The following GLP2R variants were observed in gnomAD, a reference collection of about 807,000 sequenced individuals.
GLP2R encodes glucagon like peptide 2 receptor.
A neutral mutation model predicts 68.2 loss-of-function variants in GLP2R; 59 were observed. The observed-to-expected ratio is 0.87, with a 90% CI of 0.70 to 1.07. The LOEUF is 1.07. Among genes scored for constraint, GLP2R ranks in the 50% least tolerant of loss-of-function variants. GLP2R has a pLI of 0.00. For synonymous variants in GLP2R, 270 were observed against 265.4 expected (o/e 1.02, Z -0.17); for missense variants, 548 against 677.4 (o/e 0.81, Z 2.12).
intron 1 of GLP2R, among the ~76,000 whole-genome samples, chr17:9,826,516 C>A (rs1042564869): frequency 1.3e-5 from 2 of 152,076 alleles, no homozygotes; most frequent in Non-Finnish European, 2.9e-5. Flanking sequence ...GTCCCCCCAA[C>A]CAGCCCCGCA....
At chr17:9,849,607 CTTTTTTT>C (rs57795068) in intron 4 of GLP2R, among the ~76,000 whole-genome samples, 2 of 87,118 alleles carry the variant, frequency 2.3e-5, no homozygotes, top group South Asian at 4.6e-4. Flanking sequence ...TTTTCTCTTT[CTTTTTTT>C]TTTTTTTTTT....
intron 9 of GLP2R, among the ~76,000 whole-genome samples, chr17:9,868,302 C>T (rs145980943): frequency 2.0e-5 from 3 of 152,024 alleles, no homozygotes; most frequent in East Asian, 1.9e-4. Flanking sequence ...AGGGGTTTGG[C>T]GGTAGATGGA....
At chr17:9,888,147 G>A (rs1265447596) in intron 12 of GLP2R, among the ~76,000 whole-genome samples, 174 bp downstream of exon 12, 1 of 152,174 alleles carries the variant, frequency 6.6e-6, no homozygotes, top group African/African-American at 2.4e-5. Context: ...AGGCAGCTTA[G>A]ACAAATGGAA....
At chr17:9,840,792 A>G (rs1419132803) in intron 3 of GLP2R, among the ~76,000 whole-genome samples, 2 of 152,162 alleles carry the variant, frequency 1.3e-5, no homozygotes, top group Non-Finnish European at 2.9e-5. Flanking sequence ...GAGGGTGTTC[A>G]GGAGGGAAGG....
chr17:9,874,488 T>G (rs554333075), intron 10 of GLP2R, among the ~76,000 whole-genome samples: 38 of 152,126 alleles, frequency 2.5e-4, no homozygotes, highest in Non-Finnish European at 2.9e-4. Context: ...GTGAGACCCT[T>G]TTTCTTTAAT....
chr17:9,873,555 A>C (rs1236971885), intron 10 of GLP2R, among the ~76,000 whole-genome samples: 3 of 30,022 alleles, frequency 1.0e-4, no homozygotes, highest in African/African-American at 2.3e-4. Flanking sequence ...CTATGCATGG[A>C]CTTTTTTTTT....
At chr17:9,836,617 T>TTATG (rs2066734043) in intron 3 of GLP2R, 142 bp downstream of exon 3, 1 of 580,726 alleles carries the variant, frequency 1.7e-6, no homozygotes, top group Non-Finnish European at 3.1e-6. Flanking sequence ...CCATTTATTT[T>TTATG]TATGTATGTA....
intron 1 of GLP2R, 31 bp downstream of exon 1, chr17:9,826,283 C>T (rs868572960): frequency 4.1e-6 from 6 of 1,470,016 alleles, no homozygotes; most frequent in Middle Eastern, 1.8e-4. Flanking sequence ...TTATTATTAT[C>T]AGTTGTATTT....
In GLP2R at chr17:9,857,441, C is replaced by G; in HGVS notation, c.630C>G (p.Arg210=). The G allele has an allele frequency of 6.2e-7, 1 of 1,614,168 alleles. No individual in the cohort carries two copies. Among genetic ancestry groups the G allele is most frequent in the Non-Finnish European group, 8.5e-7 (1 of 1,180,008 alleles). Residue 210 remains arginine, a synonymous_variant, in exon 6 of 13, where the codon CGC becomes CGG. Coordinates refer to ENST00000262441, the MANE Select transcript of GLP2R (RefSeq NM_004246.3). The part of the protein sequence containing the change: ...LLFLRKLHCT[R]NYIHMNLFAS... ...CGCACAGAAAACTCCACTGCACGCG[C>G]AACTACATCCACATGAACTTGTTTG...
At chr17:9,856,926 AT>A (rs991891157) in intron 5 of GLP2R, among the ~76,000 whole-genome samples, 775 of 146,450 alleles carry the variant, frequency 5.3e-3, no homozygotes, top group African/African-American at 8.0e-3. Flanking sequence ...GGTGATAGCT[AT>A]TTTTTTTTTT....
chr17:9,836,554 C>G (rs1207259363), intron 3 of GLP2R, 79 bp downstream of exon 3: 3 of 795,972 alleles, frequency 3.8e-6, no homozygotes, highest in Non-Finnish European at 6.7e-6. Context: ...CAGTCCCCGT[C>G]TAAGCTCTCA....
At position 9,890,442 on chromosome 17, in the gene GLP2R, C is replaced by A; in HGVS notation, c.*737C>A. The A allele has an allele frequency of 5.3e-6, 1 of 188,830 alleles. No individual in the cohort carries two copies. The highest frequency in any genetic ancestry group is 1.1e-5 in the Non-Finnish European group (1 of 91,096). 11.7% of individuals were successfully genotyped at this position (188,830 alleles called of 1,614,324 possible). The stretch of plus-strand genomic sequence containing the variant: ...GCCTCTCTCTCTCTTTGCCTCAGTT[C>A]TCTGTCCCTGCACAGCAGGAGTTCT... On this transcript the variant is annotated 3_prime_UTR_variant, in exon 13 of 13. Coordinates refer to ENST00000262441, the MANE Select transcript of GLP2R (RefSeq NM_004246.3).
At chr17:9,869,464 C>A (rs1352789527) in intron 9 of GLP2R, among the ~76,000 whole-genome samples, 1 of 152,240 alleles carries the variant, frequency 6.6e-6, no homozygotes, top group African/African-American at 2.4e-5. Context: ...AAGCTCTACC[C>A]AAACCCAGCC....
rs112602280 is a variant in GLP2R, at chr17:9,826,056, C to T, written c.-8C>T. The T allele has an allele frequency of 1.6e-3, 2,556 of 1,608,200 alleles. 23 individuals are homozygous for T. In the African/African-American group the frequency reaches 0.026, roughly 16 times the overall value. ...ATGTACCCCTACTTGTGAAGGTGCA[C>T]GAGGAAGATGAAGCTGGGATCGAGC... On this transcript the variant is annotated 5_prime_UTR_variant, in exon 1 of 13. It adds an upstream start codon to the 5' untranslated region. Coordinates refer to ENST00000262441, the MANE Select transcript of GLP2R (RefSeq NM_004246.3).
At position 9,891,250 on chromosome 17, in the gene GLP2R, A is replaced by T. The variant is rs1359557662; in HGVS notation, c.*1545A>T. The T allele has an allele frequency of 6.6e-6, 1 of 152,218 alleles. No homozygotes were observed. The highest frequency in any genetic ancestry group is 6.5e-5 in the Admixed American group (1 of 15,284). 9.4% of individuals were successfully genotyped at this position (152,218 alleles called of 1,614,324 possible). A position where few individuals can be genotyped will look rare whatever the true frequency, so the allele number is the denominator to read the frequency against. ...ATCATGCATCTTGTCTTTTACTGGC[A>T]TCTCTGTTTTCAAGGATACTTTGCC... is the stretch of plus-strand genomic sequence containing the variant. On this transcript the variant is annotated 3_prime_UTR_variant, in exon 13 of 13. Coordinates refer to ENST00000262441, the MANE Select transcript of GLP2R (RefSeq NM_004246.3).
At chr17:9,875,629 A>T (rs1430381205) in intron 10 of GLP2R, among the ~76,000 whole-genome samples, 1 of 152,212 alleles carries the variant, frequency 6.6e-6, no homozygotes, top group Non-Finnish European at 1.5e-5. Context: ...AAAATGGTCC[A>T]TCTGTCTGGC....
Position 9,846,057 on chromosome 17 carries a change from C to T in GLP2R, c.504+3441C>T, listed in dbSNP as rs193208542. ...TTATTTTAAAATAATTCTAGTTCAT[C>T]GAATACATCAACTTTATATGTTGAG... On this transcript the variant is annotated intron_variant, in intron 4 of 12. Coordinates refer to ENST00000262441, the MANE Select transcript of GLP2R (RefSeq NM_004246.3). Among the ~76,000 whole-genome samples, 22 of 152,066 alleles carry T rather than the reference C, an allele frequency of 1.4e-4. 1 individual carries two copies. Among genetic ancestry groups the T allele is most frequent in the Admixed American group, 1.3e-3 (20 of 15,274 alleles).
At position 9,890,982 on chromosome 17, in the gene GLP2R, G is replaced by A. The variant is rs2067285932; in HGVS notation, c.*1277G>A. The A allele has an allele frequency of 6.6e-6, 1 of 152,266 alleles. No homozygotes were observed. Among genetic ancestry groups the A allele is most frequent in the South Asian group, 2.1e-4 (1 of 4,830 alleles). 9.4% of individuals were successfully genotyped at this position (152,266 alleles called of 1,614,324 possible). A position where few individuals can be genotyped will look rare whatever the true frequency, so the allele number is the denominator to read the frequency against. On this transcript the variant is annotated 3_prime_UTR_variant, in exon 13 of 13. Coordinates refer to ENST00000262441, the MANE Select transcript of GLP2R (RefSeq NM_004246.3). ...AAGGGATGGACATCCTTTGGAAACA[G>A]TGTGTTAATGCACAGGAGTGTCACT...
chr17:9,886,573 C>T (rs1013252551), intron 11 of GLP2R, among the ~76,000 whole-genome samples: 1 of 152,204 alleles, frequency 6.6e-6, no homozygotes, highest in Non-Finnish European at 1.5e-5. Context: ...GACCAGATTG[C>T]ATGTGTGAAA....
Sources: allele counts gnomAD v4.1 joint callset (sites outside exome capture counted in the v4.1 genomes callset), GRCh38; gene constraint gnomAD v4.1.1; transcripts MANE v1.5; gene names NCBI Gene and HGNC (gene_info 2026-07-23, HGNC 2026-07-21).